Variants in AGAP1 observed in about 807,000 individuals in gnomAD.
AGAP1 encodes the protein arf-GAP with GTPase, ANK repeat and PH domain-containing protein 1.
In AGAP1, 29 loss-of-function variants were observed where a neutral mutation model predicts 105.3. That is an observed-to-expected ratio of 0.28 (90% CI 0.21 to 0.38). AGAP1 has a LOEUF of 0.38. Among genes scored for constraint, AGAP1 ranks in the 10% least tolerant of loss-of-function variants. AGAP1 has a pLI of 1.00. For synonymous variants in AGAP1, 509 were observed against 485.9 expected (o/e 1.05, Z -0.63); for missense variants, 998 against 1,165.1 (o/e 0.86, Z 2.09).
At position 235,574,073 on chromosome 2, in the gene AGAP1, G is replaced by A. The variant is rs1944658521; in HGVS notation, c.163+79224G>A. ...GGGAGGCAGGGCCTGGGTGCCTTGG[G>A]GCCTGTCCTATCTGAGGTCCACAGC... On this transcript the variant is annotated intron_variant, in intron 1 of 17. Coordinates refer to ENST00000304032, the MANE Select transcript of AGAP1 (RefSeq NM_001037131.3). This position sits in a 1 kb window ranked among gnomAD's most constrained non-coding sequence, Gnocchi z 5.0. 6.6e-6 allele frequency among the ~76,000 whole-genome samples: 1 copy of A among 152,222 alleles called. No homozygotes were observed. The highest frequency in any genetic ancestry group is 1.5e-5 in the Non-Finnish European group (1 of 68,042).
In AGAP1 at chr2:235,549,333, C is replaced by G. The variant is rs1245965761; in HGVS notation, c.163+54484C>G. ...CAGCCTGCTGGGATGCCAGCTCTCA[C>G]CTGGGAAGGTCAGCGTGCAGGGTTG... On this transcript the variant is annotated intron_variant, in intron 1 of 17. Transcript: ENST00000304032. The surrounding 1 kb of genome is among the most constrained non-coding windows in gnomAD (Gnocchi z 4.2). 6.6e-5 allele frequency among the ~76,000 whole-genome samples: 10 copies of G among 152,160 alleles called. No individual in the cohort carries two copies. The highest frequency in any genetic ancestry group is 1.5e-4 in the Non-Finnish European group (10 of 68,036).
At chr2:235,915,040 A>G (rs1179356634) in intron 11 of AGAP1, among the ~76,000 whole-genome samples, 1 of 152,160 alleles carries the variant, frequency 6.6e-6, no homozygotes, top group Non-Finnish European at 1.5e-5. Flanking sequence ...AGGTGGTATG[A>G]AGTGCACCGG....
chr2:236,030,305 A>G (rs1312121269), intron 13 of AGAP1, among the ~76,000 whole-genome samples: 5 of 152,222 alleles, frequency 3.3e-5, no homozygotes. Context: ...GTGAGCCACC[A>G]TGCCCAGCCT....
At chr2:236,016,567 C>A (rs916073439) in intron 13 of AGAP1, among the ~76,000 whole-genome samples, 2 of 152,112 alleles carry the variant, frequency 1.3e-5, no homozygotes, top group Non-Finnish European at 2.9e-5. Flanking sequence ...TGCTGATGGG[C>A]CTTCCTGGAG....
Position 235,618,112 on chromosome 2 carries a change from T to C in AGAP1, c.164-91067T>C, listed in dbSNP as rs549963928. On this transcript the variant is annotated intron_variant, in intron 1 of 17. Coordinates refer to ENST00000304032, the MANE Select transcript of AGAP1 (RefSeq NM_001037131.3). ...ACACATTTTGGAGGGTGGGATGTGC[T>C]CGGTCTTGGGCGCGTGCAGTTTTTG... Among the ~76,000 whole-genome samples, 18 of 152,230 alleles carry C rather than the reference T, an allele frequency of 1.2e-4. No individual in the cohort carries two copies. The East Asian group carries it at 3.5e-3, about 30-fold the overall frequency.
rs1953063929 is a variant in AGAP1, at chr2:235,747,584, C to T, written c.538+2745C>T. Among the ~76,000 whole-genome samples, 1 of 152,200 alleles carries T rather than the reference C, an allele frequency of 6.6e-6. No individual in the cohort carries two copies. The highest frequency in any genetic ancestry group is 1.5e-5 in the Non-Finnish European group (1 of 68,042). On this transcript the variant is annotated intron_variant, in intron 5 of 17. Coordinates refer to ENST00000304032, the MANE Select transcript of AGAP1 (RefSeq NM_001037131.3). The surrounding 1 kb of genome is among the most constrained non-coding windows in gnomAD (Gnocchi z 5.0). ...AAGTTGCAATCAGGGCTGTATTCCTCACCTGCGGGATTCTCTTGGTCCTTC... is the reference window on the plus strand; with the variant it reads ...AAGTTGCAATCAGGGCTGTATTCCTTACCTGCGGGATTCTCTTGGTCCTTC...
At position 236,120,317 on chromosome 2, in the gene AGAP1, C is replaced by T. The variant is rs2059870087; in HGVS notation, c.2240C>T (p.Thr747Met). 10 of 1,612,554 alleles carry T rather than the reference C, an allele frequency of 6.2e-6. No individual in the cohort carries two copies. The South Asian group carries it at 8.8e-5, about 14-fold the overall frequency. Residue 747 changes from threonine to methionine, a missense_variant, in exon 17 of 18, where the codon ACG becomes ATG. Thr to Met is a moderately conservative substitution (Grantham distance 81). Around this residue, in one of 3 missense-constraint regions of AGAP1, gnomAD observed 235 missense variants for 270.7 expected, o/e 0.87. Transcript: ENST00000304032. This position sits in a 1 kb window ranked among gnomAD's most constrained non-coding sequence, Gnocchi z 6.0. Reference sequence around the variant, plus strand: ...GCCACCGCCGACGAGGACCTGCGGACGGCCATCCTGCTGCTGGCACACGGC... The same window carrying T: ...GCCACCGCCGACGAGGACCTGCGGATGGCCATCCTGCTGCTGGCACACGGC... ...LRATADEDLR[T>M]AILLLAHGSR...
chr2:235,710,488 C>T (rs545811037), intron 2 of AGAP1, among the ~76,000 whole-genome samples: 45 of 152,194 alleles, frequency 3.0e-4, no homozygotes, highest in African/African-American at 9.4e-4. Flanking sequence ...ATCTCCTTCC[C>T]GGTGTCTGCC....
chr2:235,583,553 ATTTTTTT>A (rs763297542), intron 1 of AGAP1, among the ~76,000 whole-genome samples: 11 of 128,464 alleles, frequency 8.6e-5, no homozygotes, highest in East Asian at 2.3e-4. Flanking sequence ...TACCTGGCTA[ATTTTTTT>A]TTTTTTTTTT....
intron 11 of AGAP1, among the ~76,000 whole-genome samples, chr2:235,911,259 G>C (rs1377931207): frequency 6.6e-6 from 1 of 152,138 alleles, no homozygotes; most frequent in Admixed American, 6.5e-5. Context: ...AATCTCCCCT[G>C]TTGTTGGGGA....
rs1946559506 is a variant in AGAP1 at position 235,623,856 on chromosome 2, G to A, written c.164-85323G>A. ...GCAACAAAAGGTCAGAATTAATAAG[G>A]TGTAGTGCCCAAGAGGAATATTTTG... is the stretch of plus-strand genomic sequence containing the variant. On this transcript the variant is annotated intron_variant, in intron 1 of 17. Transcript: ENST00000304032. This position sits in a 1 kb window ranked among gnomAD's most constrained non-coding sequence, Gnocchi z 4.5. 6.6e-6 allele frequency among the ~76,000 whole-genome samples: 1 copy of A among 152,090 alleles called. No individual in the cohort carries two copies. Among genetic ancestry groups the A allele is most frequent in the South Asian group, 2.1e-4 (1 of 4,820 alleles).
Position 236,070,114 on chromosome 2 carries a change from G to A in AGAP1, c.2114+20833G>A, listed in dbSNP as rs180739106. Among the ~76,000 whole-genome samples, 328 of 152,358 alleles carry A rather than the reference G, an allele frequency of 2.2e-3. 3 individuals are homozygous for A. Among genetic ancestry groups the A allele is most frequent in the Non-Finnish European group, 3.8e-3 (258 of 68,032 alleles). Reference sequence around the variant, plus strand: ...CATTCGTGTTAGGAGTACCACTGGGGTGTGACCCCCACATTGCTCCCGAAA... The same window carrying A: ...CATTCGTGTTAGGAGTACCACTGGGATGTGACCCCCACATTGCTCCCGAAA... On this transcript the variant is annotated intron_variant, in intron 16 of 17. Transcript: ENST00000304032.
rs1575596959 is a variant in AGAP1, at chr2:235,842,462, A to G, written c.1050+35131A>G. ...TCACCGTTTGGCAATGGAAGGTACT[A>G]GGTCTGCCACTGGGTCTCAGTGCAT... On this transcript the variant is annotated intron_variant, in intron 9 of 17. Transcript: ENST00000304032. The surrounding 1 kb of genome is among the most constrained non-coding windows in gnomAD (Gnocchi z 5.3). Among the ~76,000 whole-genome samples, 1 of 152,204 alleles carries G rather than the reference A, an allele frequency of 6.6e-6. No homozygotes were observed. Among genetic ancestry groups the G allele is most frequent in the Non-Finnish European group, 1.5e-5 (1 of 68,040 alleles).
intron 12 of AGAP1, among the ~76,000 whole-genome samples, chr2:235,937,959 A>G (rs2053071829): frequency 6.6e-6 from 1 of 152,258 alleles, no homozygotes; most frequent in African/African-American, 2.4e-5. Context: ...TGCGTTGCAC[A>G]GTAATTCAGT....
In AGAP1 at chr2:235,901,003, A is replaced by G. The variant is rs934774983; in HGVS notation, c.1156-7735A>G. Reference sequence around the variant, plus strand: ...CTATGATCCTTTGGGGAGAAGAGTAATTGTCTTCTTGAGTTCTGTGATCTG... The same window carrying G: ...CTATGATCCTTTGGGGAGAAGAGTAGTTGTCTTCTTGAGTTCTGTGATCTG... On this transcript the variant is annotated intron_variant, in intron 10 of 17. Coordinates refer to ENST00000304032, the MANE Select transcript of AGAP1 (RefSeq NM_001037131.3). This position sits in a 1 kb window ranked among gnomAD's most constrained non-coding sequence, Gnocchi z 4.3. Among the ~76,000 whole-genome samples the G allele has an allele frequency of 4.6e-5, 7 of 152,264 alleles. 1 individual carries two copies. Among genetic ancestry groups the G allele is most frequent in the Non-Finnish European group, 1.5e-5 (1 of 68,012 alleles).
At position 235,714,336 on chromosome 2, in the gene AGAP1, T is replaced by A. The variant is rs1388247104; in HGVS notation, c.223-3221T>A. Among the ~76,000 whole-genome samples the A allele has an allele frequency of 6.6e-6, 1 of 151,964 alleles. No homozygotes were observed. Among genetic ancestry groups the A allele is most frequent in the Non-Finnish European group, 1.5e-5 (1 of 67,988 alleles). ...CAGCCAGGGGTTAGGTTTCAACATA[T>A]GAGTTTGGCTGGGAGTGTGGGGGTA... On this transcript the variant is annotated intron_variant, in intron 2 of 17. Transcript: ENST00000304032. The surrounding 1 kb of genome is among the most constrained non-coding windows in gnomAD (Gnocchi z 4.1).
rs917004873 is a variant in AGAP1, at chr2:236,113,486, A to T, written c.2115-6706A>T. Among the ~76,000 whole-genome samples the T allele has an allele frequency of 1.3e-5, 2 of 152,196 alleles. No individual in the cohort carries two copies. Among genetic ancestry groups the T allele is most frequent in the African/African-American group, 4.8e-5 (2 of 41,450 alleles). On this transcript the variant is annotated intron_variant, in intron 16 of 17. Transcript: ENST00000304032. This position sits in a 1 kb window ranked among gnomAD's most constrained non-coding sequence, Gnocchi z 4.3. ...TACATGCTTGAGGGTGTTACCAGGA[A>T]TGATCAATAAAGTCAGTTACTGTCA...
intron 1 of AGAP1, among the ~76,000 whole-genome samples, chr2:235,603,254 T>C (rs573856549): frequency 1.3e-5 from 2 of 152,328 alleles, no homozygotes; most frequent in African/African-American, 4.8e-5. Flanking sequence ...AGATGTGCCT[T>C]TCACCTTCTG....
rs1479581171 is a variant in AGAP1, at chr2:235,842,721, TTTTTTTGTTTTG to T, written c.1050+35395_1050+35406del. On this transcript the variant is annotated intron_variant, in intron 9 of 17. Coordinates refer to ENST00000304032, the MANE Select transcript of AGAP1 (RefSeq NM_001037131.3). The surrounding 1 kb of genome is among the most constrained non-coding windows in gnomAD (Gnocchi z 5.3). ...TTTTCATCCCATGTGTCAGGTTTGT[TTTTTTTGTTTTG>T]TTTTGTTTTTTTGAGATGGAGTCTC... 6.6e-6 allele frequency among the ~76,000 whole-genome samples: 1 copy of T among 151,744 alleles called. No homozygotes were observed. Among genetic ancestry groups the T allele is most frequent in the Non-Finnish European group, 1.5e-5 (1 of 68,030 alleles).
Sources: allele counts gnomAD v4.1 joint callset (sites outside exome capture counted in the v4.1 genomes callset), GRCh38; gene constraint gnomAD v4.1.1; regional missense constraint gnomAD v4.1.1; non-coding constraint Gnocchi (gnomAD v3.1); transcripts MANE v1.5; gene names NCBI Gene and HGNC (gene_info 2026-07-23, HGNC 2026-07-21).